HAUS6: variants seen among roughly 807,000 people sequenced by gnomAD.
The protein encoded by HAUS6 is HAUS augmin-like complex subunit 6.
In HAUS6, 80 loss-of-function variants were observed where a neutral mutation model predicts 106.8. The observed-to-expected ratio is 0.75, with a 90% confidence interval of 0.63 to 0.90. The LOEUF is 0.90. Ranked by LOEUF, HAUS6 falls within the 40% of genes least tolerant of loss-of-function variation. The pLI is 0.00. For synonymous variants in HAUS6, 356 were observed against 379.1 expected, an observed-to-expected ratio of 0.94 and a Z score of 0.71; for missense variants, 1,155 against 1,118.1, an observed-to-expected ratio of 1.03 and a Z score of -0.47.
intron 7 of HAUS6, among the ~76,000 whole-genome samples, chr9:19,085,113 G>A (rs1368510775): frequency 1.3e-5 from 2 of 152,056 alleles, no homozygotes; most frequent in African/African-American, 4.8e-5. Flanking sequence ...GTATGGCAAG[G>A]TAAAGTTGTT....
intron 1 of HAUS6, among the ~76,000 whole-genome samples, chr9:19,102,197 C>G (rs1187220369): frequency 6.7e-6 from 1 of 149,162 alleles, no homozygotes; most frequent in Non-Finnish European, 1.5e-5. Flanking sequence ...TGCTCTTCCA[C>G]TACCACCCGC....
chr9:19,082,848 AG>A (rs780003507), intron 8 of HAUS6, 24 bp downstream of exon 8: 2 of 1,306,802 alleles, frequency 1.5e-6, no homozygotes, highest in Non-Finnish European at 2.1e-6. Flanking sequence ...TTTTCTCAAA[AG>A]CTTCCTTAAT....
chr9:19,077,122 G>A (rs558991783), intron 10 of HAUS6, among the ~76,000 whole-genome samples: 1 of 152,274 alleles, frequency 6.6e-6, no homozygotes, highest in East Asian at 1.9e-4. Context: ...GGGATGACAT[G>A]TGTGAGCCAC....
intron 4 of HAUS6, among the ~76,000 whole-genome samples, chr9:19,092,287 G>GT (rs1313959028): frequency 8.0e-6 from 1 of 125,572 alleles, no homozygotes; most frequent in African/African-American, 2.6e-5. Flanking sequence ...TGTAACCCTG[G>GT]TATTAAAAAA....
chr9:19,056,916 T>C (rs1163198574), intron 16 of HAUS6: 2 of 153,862 alleles, frequency 1.3e-5, no homozygotes, highest in Non-Finnish European at 2.9e-5. Flanking sequence ...CTTTTCAATA[T>C]GGCAGTGTAT....
At chr9:19,067,943 C>G (rs142814763) in intron 12 of HAUS6, among the ~76,000 whole-genome samples, 2,739 of 152,056 alleles carry the variant, frequency 0.018, 39 homozygotes, top group Non-Finnish European at 0.024. Flanking sequence ...AGCCACCCAC[C>G]TCAGCCTCCT....
chr9:19,066,137 T>G (rs2131108455), intron 12 of HAUS6, among the ~76,000 whole-genome samples: 1 of 152,060 alleles, frequency 6.6e-6, no homozygotes, highest in Admixed American at 6.5e-5. Context: ...GGTTTCACCA[T>G]GTTGGCCAGG....
At chr9:19,101,921 A>G (rs1475907177) in intron 1 of HAUS6, among the ~76,000 whole-genome samples, 1 of 152,196 alleles carries the variant, frequency 6.6e-6, no homozygotes, top group Admixed American at 6.5e-5. Context: ...TCCATATGAA[A>G]GAAAAGAATT....
intron 12 of HAUS6, among the ~76,000 whole-genome samples, chr9:19,068,534 A>G (rs1251979097): frequency 6.6e-6 from 1 of 152,242 alleles, no homozygotes; most frequent in Non-Finnish European, 1.5e-5. Context: ...TTACAAAAAA[A>G]GTTTTAACTC....
rs62563639 is a variant in HAUS6, at chr9:19,079,800, G to A, written c.1064+679C>T. Among the ~76,000 whole-genome samples the A allele has an allele frequency of 5.3e-3, 801 of 151,680 alleles. 4 individuals are homozygous for A. The highest frequency in any genetic ancestry group is 0.021 in the Middle Eastern group (6 of 292). On this transcript the variant is annotated intron_variant, in intron 9 of 16. Coordinates refer to ENST00000380502, the MANE Select transcript of HAUS6 (RefSeq NM_017645.5). The stretch of plus-strand genomic sequence containing the variant: ...TGCCTGTAATCTCAGCTACTCGGGA[G>A]TCTGAGGCAGGAGAATCGCATGAAC...
At chr9:19,084,556 A>G (rs1049652280) in intron 7 of HAUS6, among the ~76,000 whole-genome samples, 1 of 148,964 alleles carries the variant, frequency 6.7e-6, no homozygotes, top group East Asian at 1.9e-4. Flanking sequence ...GTGGAGAAAT[A>G]TAATTATACA....
Position 19,094,366 on chromosome 9 carries a change from C to T in HAUS6, c.254G>A (p.Ser85Asn), listed in dbSNP as rs142532991. 2.8e-5 allele frequency: 45 copies of T among 1,608,312 alleles called. No homozygotes were observed. Among genetic ancestry groups the T allele is most frequent in the Middle Eastern group, 1.7e-4 (1 of 6,018 alleles). The change falls in exon 3 of 17, where the codon AGT becomes AAT. Residue 85 changes from serine (S) to asparagine (N), a missense_variant. Physicochemically the swap from Ser to Asn is conservative, Grantham distance 46. This residue lies in a region of HAUS6 where 761 missense variants were observed against 690.0 expected (regional missense o/e 1.10). Transcript: ENST00000380502. ...KFCWPPFDQK[S>N]DTEFRKHCCE... ...GCAATGTTTTCGGAATTCAGTGTCA[C>T]TTTTTTGGTCAAATGGGGGCCAACA...
intron 9 of HAUS6, among the ~76,000 whole-genome samples, chr9:19,079,130 C>A (rs1837076930): frequency 6.9e-6 from 1 of 145,620 alleles, no homozygotes; most frequent in African/African-American, 2.5e-5. Context: ...CGCTATTGTG[C>A]TCCAGCCTAG....
chr9:19,083,504 A>G (rs550732368), intron 7 of HAUS6, among the ~76,000 whole-genome samples: 1 of 152,244 alleles, frequency 6.6e-6, no homozygotes, highest in East Asian at 1.9e-4. Context: ...AAATAATTTT[A>G]AAAATTTTTC....
At chr9:19,082,302 G>T (rs1257697416) in intron 8 of HAUS6, among the ~76,000 whole-genome samples, 3 of 152,160 alleles carry the variant, frequency 2.0e-5, no homozygotes, top group African/African-American at 7.2e-5. Context: ...TAATGAACTA[G>T]TACAGTATCA....
intron 12 of HAUS6, among the ~76,000 whole-genome samples, chr9:19,068,852 A>G (rs556358239): frequency 6.6e-5 from 10 of 152,282 alleles, no homozygotes; most frequent in Non-Finnish European, 1.3e-4. Context: ...TATAATCTGT[A>G]ATTAGTCCAA....
At chr9:19,071,586 T>C (rs1836882502) in intron 11 of HAUS6, among the ~76,000 whole-genome samples, 1 of 149,842 alleles carries the variant, frequency 6.7e-6, no homozygotes, top group South Asian at 2.1e-4. Flanking sequence ...TTTTTTTTTT[T>C]TTTTTTGAGA....
At chr9:19,089,609 G>C (rs1409810592) in intron 4 of HAUS6, 50 bp from the exon 5 acceptor site, 19 of 1,416,670 alleles carry the variant, frequency 1.3e-5, no homozygotes, top group Non-Finnish European at 1.7e-5. Flanking sequence ...TCTGATAGTA[G>C]TGGGTTATCA....
chr9:19,066,188 A>C (rs1364957244), intron 12 of HAUS6, among the ~76,000 whole-genome samples: 3 of 152,088 alleles, frequency 2.0e-5, no homozygotes, highest in Non-Finnish European at 4.4e-5. Context: ...TGCCTGCCTC[A>C]GCATCCCAAA....
Sources: gnomAD v4.1 joint callset for allele counts (sites outside exome capture counted in the v4.1 genomes callset) on GRCh38, gnomAD v4.1.1 for gene constraint, gnomAD v4.1.1 regional missense constraint, MANE v1.5 for transcripts, NCBI Gene and HGNC (gene_info 2026-07-23, HGNC 2026-07-21) for gene names.